Variants in TSPAN32 observed in about 807,000 individuals in gnomAD.
TSPAN32 encodes the protein tetraspanin 32, also known as tetraspanin-32.
TSPAN32 carries 47 observed loss-of-function variants against 42.7 expected under a neutral mutation model. The ratio of observed to expected loss-of-function variants is 1.10; its 90% CI spans 0.87 to 1.40. The LOEUF (loss-of-function observed/expected upper bound fraction) is 1.40. Among genes scored for constraint, TSPAN32 ranks in the 40% most tolerant of loss-of-function variants. The pLI, the probability that TSPAN32 is intolerant of heterozygous loss-of-function variation, is 0.00. For synonymous variants in TSPAN32, 175 were observed against 175.9 expected (o/e 0.99, Z 0.04); for missense variants, 469 against 424.1 (o/e 1.11, Z -0.93).
At chr11:2,307,125 A>T (rs927981826) in intron 3 of TSPAN32, 4 of 152,510 alleles carry the variant, frequency 2.6e-5, no homozygotes, top group African/African-American at 9.7e-5. Context: ...GGCAGGCAGG[A>T]GGGCCATGAG....
chr11:2,303,028 C>A, intron 2 of TSPAN32, 70 bp downstream of exon 2: 2 of 1,386,560 alleles, frequency 1.4e-6, no homozygotes, highest in Non-Finnish European at 2.0e-6. Context: ...ACGAGCCCAG[C>A]TGGACGCCTC....
intron 3 of TSPAN32, among the ~76,000 whole-genome samples, chr11:2,307,411 C>T (rs1298201440): frequency 2.6e-5 from 4 of 152,210 alleles, no homozygotes; most frequent in African/African-American, 9.6e-5. Flanking sequence ...CACAGTGCTG[C>T]CTGAGGGGGC....
Position 2,318,098 on chromosome 11 carries a change from G to A in TSPAN32, c.*174G>A, listed in dbSNP as rs1056177536. Reference sequence around the variant, plus strand: ...CTTCAAACCAGCAATGGTGCATTGAGCAAATTGTGGTCAAATATACATCAC... The same window carrying A: ...CTTCAAACCAGCAATGGTGCATTGAACAAATTGTGGTCAAATATACATCAC... On this transcript the variant is annotated 3_prime_UTR_variant, in exon 10 of 10. Coordinates refer to ENST00000182290, the MANE Select transcript of TSPAN32 (RefSeq NM_139022.3). This position sits in a 1 kb window ranked among gnomAD's most constrained non-coding sequence, Gnocchi z 4.2. 1.6e-5 allele frequency: 9 copies of A among 569,114 alleles called. No individual in the cohort carries two copies. In the Admixed American group the frequency reaches 3.1e-4, roughly 20 times the overall value. The allele number at this position is 569,114 out of a possible 1,614,324, so 35.3% of individuals were successfully genotyped here. A position where few individuals can be genotyped will look rare whatever the true frequency, so the allele number is the denominator to read the frequency against.
At chr11:2,311,390 G>A (rs1453114311) in intron 4 of TSPAN32, among the ~76,000 whole-genome samples, 1 of 152,154 alleles carries the variant, frequency 6.6e-6, no homozygotes, top group African/African-American at 2.4e-5. Context: ...CGTTCTCCTC[G>A]AGGGCTGAGA....
At chr11:2,316,495 C>T (rs758236189) in intron 7 of TSPAN32, 81 bp from the exon 8 acceptor site, 6 of 1,605,184 alleles carry the variant, frequency 3.7e-6, no homozygotes, top group South Asian at 1.1e-5. Flanking sequence ...CGCCCCCTTA[C>T]ACTGCAGAGT....
chr11:2,307,565 G>A (rs2237862), intron 3 of TSPAN32, among the ~76,000 whole-genome samples: 16,549 of 152,188 alleles, frequency 0.11, 1,535 homozygotes, highest in African/African-American at 0.25. Context: ...CATCCCCAGG[G>A]TTCTTAGCCT....
At chr11:2,311,836 C>T (rs1001905291) in intron 4 of TSPAN32, among the ~76,000 whole-genome samples, 12 of 152,356 alleles carry the variant, frequency 7.9e-5, no homozygotes, top group Non-Finnish European at 1.8e-4. Flanking sequence ...CTTCAGAGCC[C>T]CCAGAGCCTG....
intron 1 of TSPAN32, 29 bp downstream of exon 1, chr11:2,302,244 G>T (rs1847793236): frequency 4.3e-6 from 6 of 1,381,142 alleles, no homozygotes; most frequent in Admixed American, 3.4e-5. Flanking sequence ...AGGAGTGGGT[G>T]GTGGGTGGGG....
chr11:2,309,644 A>T (rs1311820879), intron 4 of TSPAN32: 1 of 282,466 alleles, frequency 3.5e-6, no homozygotes. Flanking sequence ...GGCCTCGTGT[A>T]TTCAAGTGCC....
In TSPAN32 at chr11:2,316,571, C is replaced by A; in HGVS notation, c.628-5C>A. 6.3e-7 allele frequency: 1 copy of A among 1,594,812 alleles called. No homozygotes were observed. Among genetic ancestry groups the A allele is most frequent in the Non-Finnish European group, 8.6e-7 (1 of 1,168,542 alleles). ...GTGGGGCAGCCGCGGGTGTCTCCCT[C>A]CCAGGTGTCCGCCTTGCTCTTCAGC... On this transcript the variant is annotated splice_polypyrimidine_tract_variant and splice_region_variant and intron_variant, in intron 7 of 9. Transcript: ENST00000182290.
At position 2,313,055 on chromosome 11, in the gene TSPAN32, G is replaced by A. The variant is rs1380271958; in HGVS notation, c.355-599G>A. On this transcript the variant is annotated intron_variant, in intron 4 of 9. Coordinates refer to ENST00000182290, the MANE Select transcript of TSPAN32 (RefSeq NM_139022.3). This position sits in a 1 kb window ranked among gnomAD's most constrained non-coding sequence, Gnocchi z 9.1. ...GTGTGGAGCGCAGGCAGCACATCCA[G>A]CCAGGCCCCGTCACCTTCCACCTTC... is the stretch of plus-strand genomic sequence containing the variant. Among the ~76,000 whole-genome samples, 2 of 152,148 alleles carry A rather than the reference G, an allele frequency of 1.3e-5. No individual in the cohort carries two copies. The highest frequency in any genetic ancestry group is 2.4e-5 in the African/African-American group (1 of 41,434).
In TSPAN32 at chr11:2,303,586, G is replaced by A. The variant is rs113076594; in HGVS notation, c.182-521G>A. 1,111 of 165,360 alleles carry A rather than the reference G, an allele frequency of 6.7e-3. 15 individuals are homozygous for A. The highest frequency in any genetic ancestry group is 0.025 in the African/African-American group (1,042 of 41,666). 10.2% of individuals were successfully genotyped at this position (165,360 alleles called of 1,614,324 possible). On this transcript the variant is annotated intron_variant, in intron 2 of 9. Coordinates refer to ENST00000182290, the MANE Select transcript of TSPAN32 (RefSeq NM_139022.3). Reference sequence around the variant, plus strand: ...GCCCAGGAAGGCTGCAGCCCGGTGGGCAGATGTAGGGAAACTGAGGCCCAG... The same window carrying A: ...GCCCAGGAAGGCTGCAGCCCGGTGGACAGATGTAGGGAAACTGAGGCCCAG...
chr11:2,316,249 G>A lies in TSPAN32; in HGVS notation c.564G>A (p.Arg188=), dbSNP rs186572696. 2 of 1,598,216 alleles carry A rather than the reference G, an allele frequency of 1.3e-6. No homozygotes were observed. Among genetic ancestry groups the A allele is most frequent in the Non-Finnish European group, 1.7e-6 (2 of 1,173,860 alleles). ...AAREDCLQGI[R]SFLRTHQQVA... Reference sequence around the variant, plus strand: ...CACAGGACTGCCTTCAGGGCATCCGGAGCTTCCTGAGGACACACCAGCAGG... The same window carrying A: ...CACAGGACTGCCTTCAGGGCATCCGAAGCTTCCTGAGGACACACCAGCAGG... The change falls in exon 7 of 10, where the codon CGG becomes CGA. Residue 188 remains arginine (R), a synonymous_variant. Coordinates refer to ENST00000182290, the MANE Select transcript of TSPAN32 (RefSeq NM_139022.3).
At chr11:2,311,706 C>T (rs1848469618) in intron 4 of TSPAN32, among the ~76,000 whole-genome samples, 1 of 152,206 alleles carries the variant, frequency 6.6e-6, no homozygotes, top group South Asian at 2.1e-4. Flanking sequence ...CAGGCAGACA[C>T]CAGGGAAGAT....
rs146082334 is a variant in TSPAN32, at chr11:2,307,426, G to A, written c.280-1310G>A. The stretch of plus-strand genomic sequence containing the variant: ...CACAGTGCTGCCTGAGGGGGCTGGC[G>A]TTTCACCGGGGCCTCAGGACTCCTG... On this transcript the variant is annotated intron_variant, in intron 3 of 9. Coordinates refer to ENST00000182290, the MANE Select transcript of TSPAN32 (RefSeq NM_139022.3). Among the ~76,000 whole-genome samples, 21 of 152,310 alleles carry A rather than the reference G, an allele frequency of 1.4e-4. No individual in the cohort carries two copies. The East Asian group carries it at 3.5e-3, about 25-fold the overall frequency.
chr11:2,303,285 TGGGACTG>T (rs1847873195), intron 2 of TSPAN32: 2 of 205,432 alleles, frequency 9.7e-6, no homozygotes, highest in Admixed American at 1.2e-4. Context: ...CAGGCAGGCC[TGGGACTG>T]GCCTGGGGCT....
intron 4 of TSPAN32, among the ~76,000 whole-genome samples, chr11:2,310,435 G>C (rs1848397183): frequency 6.6e-6 from 1 of 152,162 alleles, no homozygotes; most frequent in Non-Finnish European, 1.5e-5. Flanking sequence ...TCTGGCCCGT[G>C]CGCCCAGCTG....
rs890052275 is a variant in TSPAN32 at position 2,304,530 on chromosome 11, T to C, written c.279+326T>C. On this transcript the variant is annotated intron_variant, in intron 3 of 9. Transcript: ENST00000182290. This position sits in a 1 kb window ranked among gnomAD's most constrained non-coding sequence, Gnocchi z 4.8. ...AAGAGAGAGACGGCCCTCCTGACCCTGGGAGCTGTTTCCAAAGTCCCTGGG... is the reference window on the plus strand; with the variant it reads ...AAGAGAGAGACGGCCCTCCTGACCCCGGGAGCTGTTTCCAAAGTCCCTGGG... Among the ~76,000 whole-genome samples the C allele has an allele frequency of 6.8e-6, 1 of 147,768 alleles. No homozygotes were observed. The highest frequency in any genetic ancestry group is 2.5e-5 in the African/African-American group (1 of 39,346).
In TSPAN32 at chr11:2,302,583, G is replaced by A. The variant is rs1847819592; in HGVS notation, c.67-261G>A. On this transcript the variant is annotated intron_variant, in intron 1 of 9. Coordinates refer to ENST00000182290, the MANE Select transcript of TSPAN32 (RefSeq NM_139022.3). Reference sequence around the variant, plus strand: ...CTCACTCCCACTCCGTAGACACAATGATCAGAGGTCCTGGGTGTCTGGGGA... The same window carrying A: ...CTCACTCCCACTCCGTAGACACAATAATCAGAGGTCCTGGGTGTCTGGGGA... The A allele has an allele frequency of 2.7e-5, 15 of 559,974 alleles. No homozygotes were observed. The South Asian group carries it at 3.0e-4, about 11-fold the overall frequency. 34.7% of individuals were successfully genotyped at this position (559,974 alleles called of 1,614,324 possible). A position where few individuals can be genotyped will look rare whatever the true frequency, so the allele number is the denominator to read the frequency against.
Sources: gnomAD v4.1 joint callset for allele counts (sites outside exome capture counted in the v4.1 genomes callset) on GRCh38, gnomAD v4.1.1 for gene constraint, Gnocchi (gnomAD v3.1) non-coding constraint, MANE v1.5 for transcripts, NCBI Gene and HGNC (gene_info 2026-07-23, HGNC 2026-07-21) for gene names.